The following TAS2R1 variants were observed in gnomAD, a reference collection of about 807,000 sequenced individuals.
TAS2R1 encodes the protein taste 2 receptor member 1, also known as taste receptor type 2 member 1.
For missense variants in TAS2R1, 370 were observed against 353.4 expected (o/e 1.05, Z -0.38); for synonymous variants, 141 against 134.2 (o/e 1.05, Z -0.35).
intron 1 of TAS2R1, among the ~76,000 whole-genome samples, chr5:9,671,864 A>G (rs1740765566): frequency 6.6e-6 from 1 of 152,208 alleles, no homozygotes. Context: ...ATAATAATAA[A>G]GCTGGAGGCA....
At chr5:9,895,243 G>C in the TAS2R1 span, among the ~76,000 whole-genome samples, 1 of 152,220 alleles carries the variant, frequency 6.6e-6, no homozygotes, top group Non-Finnish European at 1.5e-5. Flanking sequence ...CCTTCTGATG[G>C]AAAGCCAACA....
chr5:9,801,654 C>A, the TAS2R1 span, among the ~76,000 whole-genome samples: 3 of 152,166 alleles, frequency 2.0e-5, no homozygotes, highest in African/African-American at 7.2e-5. Flanking sequence ...TGGTCACTGG[C>A]CGCCTGGAAA....
At chr5:9,655,151 T>G (rs1740383366) in intron 2 of TAS2R1, among the ~76,000 whole-genome samples, 1 of 152,010 alleles carries the variant, frequency 6.6e-6, no homozygotes, top group African/African-American at 2.4e-5. Flanking sequence ...GCCTGCAGGG[T>G]TTATGGGAAG....
At chr5:9,654,642 G>T (rs1012684870) in intron 2 of TAS2R1, among the ~76,000 whole-genome samples, 1 of 152,182 alleles carries the variant, frequency 6.6e-6, no homozygotes, top group African/African-American at 2.4e-5. Context: ...GAGCAATTAT[G>T]ACCTATTTGA....
chr5:9,735,296 C>A, the TAS2R1 span, among the ~76,000 whole-genome samples: 4 of 151,382 alleles, frequency 2.6e-5, no homozygotes, highest in Admixed American at 2.0e-4. Context: ...GATTTACTAA[C>A]CTACATCTGA....
At chr5:9,714,148 G>C (rs1734759686), upstream of TAS2R1, 2 of 152,158 alleles carry the variant, frequency 1.3e-5, no homozygotes, top group South Asian at 4.2e-4. Context: ...CATCCACTGA[G>C]ACACCAGAAA....
the TAS2R1 span, among the ~76,000 whole-genome samples, chr5:9,864,389 A>G: frequency 1.3e-5 from 2 of 152,094 alleles, no homozygotes; most frequent in Non-Finnish European, 2.9e-5. Context: ...GCACTTTGGG[A>G]GGCTGAGACA....
chr5:9,634,900 G>A (rs2126477101), upstream of TAS2R1, among the ~76,000 whole-genome samples: 1 of 152,116 alleles, frequency 6.6e-6, no homozygotes, highest in South Asian at 2.1e-4. Context: ...AACAACAACA[G>A]TTTGACTTCC....
At chr5:9,829,404 C>T in the TAS2R1 span, among the ~76,000 whole-genome samples, 1 of 151,830 alleles carries the variant, frequency 6.6e-6, no homozygotes, top group African/African-American at 2.4e-5. Flanking sequence ...CCAGAGACAC[C>T]CCACGGTCAT....
chr5:9,886,908 A>G, the TAS2R1 span, among the ~76,000 whole-genome samples: 1 of 152,160 alleles, frequency 6.6e-6, no homozygotes, highest in Non-Finnish European at 1.5e-5. Flanking sequence ...TGGAACATCT[A>G]CGTAACCATC....
At chr5:9,842,484 C>A in the TAS2R1 span, among the ~76,000 whole-genome samples, 2 of 151,906 alleles carry the variant, frequency 1.3e-5, no homozygotes, top group Admixed American at 1.3e-4. Flanking sequence ...CCACGGCCGG[C>A]TAATTTCTTT....
At chr5:9,733,470 C>CA in the TAS2R1 span, among the ~76,000 whole-genome samples, 1 of 152,208 alleles carries the variant, frequency 6.6e-6, no homozygotes, top group Non-Finnish European at 1.5e-5. Context: ...AGGCAATAGT[C>CA]AAAGTCAAAA....
chr5:9,713,257 C>T (rs944737583), upstream of TAS2R1: 4 of 152,064 alleles, frequency 2.6e-5, no homozygotes, highest in African/African-American at 9.7e-5. Flanking sequence ...TGAATCCCAA[C>T]GTGTTATTAC....
chr5:9,837,252 G>A, the TAS2R1 span, among the ~76,000 whole-genome samples: 1 of 152,174 alleles, frequency 6.6e-6, no homozygotes, highest in East Asian at 1.9e-4. Context: ...GAGAAGTGAG[G>A]AGACCCCCGC....
chr5:9,647,007 T>C (rs899094399), intron 2 of TAS2R1, among the ~76,000 whole-genome samples: 1 of 152,158 alleles, frequency 6.6e-6, no homozygotes, highest in African/African-American at 2.4e-5. Flanking sequence ...CATCTACCCA[T>C]ATTTGTGGAC....
the TAS2R1 span, among the ~76,000 whole-genome samples, chr5:9,810,145 A>G: frequency 6.6e-6 from 1 of 152,192 alleles, no homozygotes; most frequent in African/African-American, 2.4e-5. Context: ...AGGGGAAGCT[A>G]TATCTCACTT....
At chr5:9,825,399 T>G in the TAS2R1 span, among the ~76,000 whole-genome samples, 1 of 152,176 alleles carries the variant, frequency 6.6e-6, no homozygotes, top group Non-Finnish European at 1.5e-5. Flanking sequence ...CTCACTATCA[T>G]GAGAACAGCA....
At chr5:9,849,014 C>A in the TAS2R1 span, among the ~76,000 whole-genome samples, 4 of 152,186 alleles carry the variant, frequency 2.6e-5, no homozygotes, top group Non-Finnish European at 4.4e-5. Context: ...CCTTGCCAAT[C>A]AATGTTGGTC....
the TAS2R1 span, among the ~76,000 whole-genome samples, chr5:9,742,899 CA>C: frequency 6.7e-5 from 10 of 148,864 alleles, no homozygotes; most frequent in Admixed American, 2.0e-4. Flanking sequence ...AAAACTGAAC[CA>C]AAAAAAAAGA....
Sources: allele counts gnomAD v4.1 joint callset (sites outside exome capture counted in the v4.1 genomes callset), GRCh38; gene constraint gnomAD v4.1.1; transcripts MANE v1.5; gene names NCBI Gene and HGNC (gene_info 2026-07-23, HGNC 2026-07-21).